Variants in PSPC1 observed in about 807,000 individuals in gnomAD.
PSPC1 encodes paraspeckle component 1, also known as paraspeckle protein 1.
Under a neutral mutation model 51.6 loss-of-function variants are expected in PSPC1, and 14 were observed. The observed-to-expected ratio is 0.27, with a 90% confidence interval of 0.18 to 0.42. The LOEUF (loss-of-function observed/expected upper bound fraction) is 0.42, where lower values mean the gene tolerates loss of function less well. Among genes scored for constraint, PSPC1 ranks in the 10% least tolerant of loss-of-function variants. The pLI is 1.00. For missense variants in PSPC1, 406 were observed against 701.1 expected, an observed-to-expected ratio of 0.58 and a Z score of 4.75; for synonymous variants, 193 against 231.9, an observed-to-expected ratio of 0.83 and a Z score of 1.53.
At chr13:19,678,480 A>C (rs112893192) in intron 6 of PSPC1, 1 of 152,186 alleles carries the variant, frequency 6.6e-6, no homozygotes, top group South Asian at 2.1e-4. Flanking sequence ...GGGACACATA[A>C]ACATACAGCT....
chr13:19,674,468 G>A (rs950471292), downstream of PSPC1, among the ~76,000 whole-genome samples: 6 of 152,180 alleles, frequency 3.9e-5, no homozygotes, highest in Non-Finnish European at 8.8e-5. Context: ...AGTGAGTTCC[G>A]CTTGTACTGC....
downstream of PSPC1, among the ~76,000 whole-genome samples, chr13:19,700,385 T>G (rs181866250): frequency 6.6e-6 from 1 of 152,238 alleles, no homozygotes; most frequent in Non-Finnish European, 1.5e-5. Context: ...TCCCCTAATA[T>G]TATTGATATT....
At chr13:19,695,548 CA>C (rs1037275813) in intron 6 of PSPC1, among the ~76,000 whole-genome samples, 9 of 152,140 alleles carry the variant, frequency 5.9e-5, no homozygotes, top group Admixed American at 1.3e-4. Flanking sequence ...CATAAATCTA[CA>C]TATTAGCAAC....
At chr13:19,724,642 C>G (rs1883144200) in intron 6 of PSPC1, among the ~76,000 whole-genome samples, 1 of 152,168 alleles carries the variant, frequency 6.6e-6, no homozygotes, top group Admixed American at 6.5e-5. Flanking sequence ...GTCACGAGGT[C>G]AGGAGTTCGA....
intron 6 of PSPC1, among the ~76,000 whole-genome samples, chr13:19,693,991 C>T (rs1416349969): frequency 2.6e-5 from 4 of 151,472 alleles, no homozygotes; most frequent in South Asian, 2.1e-4. Context: ...GGTGTGGTGG[C>T]GGGCGCCTGT....
intron 1 of PSPC1, among the ~76,000 whole-genome samples, chr13:19,776,574 G>A (rs897558321): frequency 3.3e-5 from 5 of 151,416 alleles, no homozygotes; most frequent in Admixed American, 6.6e-5. Flanking sequence ...GTGCAGCTGC[G>A]CAATCTCACT....
In PSPC1 at chr13:19,782,333, C is replaced by G; in HGVS notation, c.372+53G>C. Reference sequence around the variant, plus strand: ...GAGGCTGGCCTCAGCCCCACGACCCCGCGGCCACCCCGACAGTCCTTTTGT... The same window carrying G: ...GAGGCTGGCCTCAGCCCCACGACCCGGCGGCCACCCCGACAGTCCTTTTGT... On this transcript the variant is annotated intron_variant, in intron 1 of 8. Coordinates refer to ENST00000338910, the MANE Select transcript of PSPC1 (RefSeq NM_001354909.2). The surrounding 1 kb of genome is among the most constrained non-coding windows in gnomAD (Gnocchi z 4.5). 6.6e-7 allele frequency: 1 copy of G among 1,520,718 alleles called. No homozygotes were observed. Among genetic ancestry groups the G allele is most frequent in the African/African-American group, 1.4e-5 (1 of 70,246 alleles). 94.2% of individuals were successfully genotyped at this position (1,520,718 alleles called of 1,614,324 possible).
intron 2 of PSPC1, among the ~76,000 whole-genome samples, chr13:19,760,632 T>C (rs1277585605): frequency 6.6e-6 from 1 of 151,852 alleles, no homozygotes; most frequent in East Asian, 1.9e-4. Context: ...GCGGGGAAGA[T>C]GGCTTGAGCC....
chr13:19,769,507 C>T (rs1187858300), intron 2 of PSPC1, among the ~76,000 whole-genome samples: 1 of 151,996 alleles, frequency 6.6e-6, no homozygotes, highest in African/African-American at 2.4e-5. Context: ...GAGCTGAGAT[C>T]GCGCCACTGC....
intron 5 of PSPC1, among the ~76,000 whole-genome samples, chr13:19,733,248 A>G (rs1884350105): frequency 6.6e-6 from 1 of 152,230 alleles, no homozygotes; most frequent in South Asian, 2.1e-4. Flanking sequence ...GTGGATTACT[A>G]TCTACTGGCA....
At chr13:19,733,492 G>A (rs560130389) in intron 5 of PSPC1, among the ~76,000 whole-genome samples, 1 of 152,184 alleles carries the variant, frequency 6.6e-6, no homozygotes, top group East Asian at 1.9e-4. Context: ...CATGCACAGT[G>A]ACTCATGTCT....
In PSPC1 at chr13:19,782,778, C is replaced by T. The variant is rs756685290; in HGVS notation, c.-21G>A. On this transcript the variant is annotated 5_prime_UTR_variant, in exon 1 of 9. Transcript: ENST00000338910. This position sits in a 1 kb window ranked among gnomAD's most constrained non-coding sequence, Gnocchi z 4.5. ...ATCATCTTACTGAGTTCGCCTCGGA[C>T]ACCGGATACAGGCCTAGATTTATAG... 6.6e-7 allele frequency: 1 copy of T among 1,521,758 alleles called. No homozygotes were observed. Among genetic ancestry groups the T allele is most frequent in the Non-Finnish European group, 8.7e-7 (1 of 1,152,112 alleles). The allele number at this position is 1,521,758 out of a possible 1,614,324, so 94.3% of individuals were successfully genotyped here. A position where few individuals can be genotyped will look rare whatever the true frequency, so the allele number is the denominator to read the frequency against.
intron 4 of PSPC1, among the ~76,000 whole-genome samples, chr13:19,741,991 G>A (rs1190798830): frequency 2.0e-5 from 3 of 152,030 alleles, no homozygotes; most frequent in Non-Finnish European, 4.4e-5. Flanking sequence ...AATTAGCTGG[G>A]CATGGTGGCG....
chr13:19,744,657 C>G (rs1885774460), intron 4 of PSPC1, among the ~76,000 whole-genome samples: 1 of 151,994 alleles, frequency 6.6e-6, no homozygotes, highest in South Asian at 2.1e-4. Flanking sequence ...CTCTGCCTAC[C>G]AGGTTCAAGC....
chr13:19,756,965 T>C (rs962868355), intron 3 of PSPC1, among the ~76,000 whole-genome samples: 1 of 150,510 alleles, frequency 6.6e-6, no homozygotes, highest in African/African-American at 2.4e-5. Context: ...CCGTCTCTAC[T>C]AAAAATACAA....
chr13:19,778,353 A>ATTTTGT lies in PSPC1; in HGVS notation c.372+4032_372+4033insACAAAA, dbSNP rs1241187875. On this transcript the variant is annotated intron_variant, in intron 1 of 8. Transcript: ENST00000338910. ...ATTACAATTTTCTCTACATATTAAG[A>ATTTTGT]CCTCTCCCTCTCCCCCTCCCCCTCC... Among the ~76,000 whole-genome samples the ATTTTGT allele has an allele frequency of 3.2e-3, 312 of 98,124 alleles. 2 individuals are homozygous for ATTTTGT. The highest frequency in any genetic ancestry group is 4.5e-3 in the South Asian group (10 of 2,244). 64.4% of individuals were successfully genotyped at this position (98,124 alleles called of 152,430 possible).
intron 8 of PSPC1, among the ~76,000 whole-genome samples, chr13:19,704,243 G>A (rs1157404927): frequency 6.6e-6 from 1 of 152,254 alleles, no homozygotes; most frequent in African/African-American, 2.4e-5. Flanking sequence ...ATAAAATAAA[G>A]CCTCTACTGA....
chr13:19,770,157 G>A (rs1888487976), intron 2 of PSPC1, among the ~76,000 whole-genome samples: 1 of 152,156 alleles, frequency 6.6e-6, no homozygotes, highest in Non-Finnish European at 1.5e-5. Context: ...TGCTGAGCAA[G>A]AGAAGCCAGA....
intron 2 of PSPC1, among the ~76,000 whole-genome samples, chr13:19,760,842 G>C (rs1470690361): frequency 1.3e-5 from 2 of 151,880 alleles, no homozygotes; most frequent in Non-Finnish European, 2.9e-5. Context: ...CAAAAAATTA[G>C]CCGGGCGTGG....
Sources: gnomAD v4.1 joint callset for allele counts (sites outside exome capture counted in the v4.1 genomes callset) on GRCh38, gnomAD v4.1.1 for gene constraint, Gnocchi (gnomAD v3.1) non-coding constraint, MANE v1.5 for transcripts, NCBI Gene and HGNC (gene_info 2026-07-23, HGNC 2026-07-21) for gene names.